Variants in LTBP4 observed in about 807,000 individuals in gnomAD.
LTBP4 encodes the protein latent transforming growth factor beta binding protein 4.
A neutral mutation model predicts 180.2 loss-of-function variants in LTBP4; 93 were observed. That is an observed-to-expected ratio of 0.52 (90% CI 0.44 to 0.61). LTBP4 has a LOEUF of 0.61. Among genes scored for constraint, LTBP4 ranks in the 20% least tolerant of loss-of-function variants. LTBP4 has a pLI of 0.00. For missense variants in LTBP4, 2,116 were observed against 2,256.5 expected (o/e 0.94, Z 1.26); for synonymous variants, 947 against 934.5 (o/e 1.01, Z -0.24).
chr19:40,606,634 T>G, intron 6 of LTBP4, 108 bp downstream of exon 6: 1 of 1,390,422 alleles, frequency 7.2e-7, no homozygotes, highest in Non-Finnish European at 9.7e-7. Flanking sequence ...GACTCCCGGG[T>G]TCCTCTGTCA....
At chr19:40,603,283 C>T (rs528577455) in intron 1 of LTBP4, among the ~76,000 whole-genome samples, 93 of 152,294 alleles carry the variant, frequency 6.1e-4, no homozygotes, top group African/African-American at 2.2e-3. Context: ...CGCAAGAGGA[C>T]TCCAGACATT....
rs530560596 is a variant in LTBP4, at chr19:40,622,980, G to A, written c.3515G>A (p.Arg1172Gln). 137 of 1,612,854 alleles carry A rather than the reference G, an allele frequency of 8.5e-5. No individual in the cohort carries two copies. The South Asian group carries it at 9.1e-4, about 11-fold the overall frequency. Residue 1172 changes from arginine (R) to glutamine (Q), a missense_variant, in exon 24 of 30, where the codon CGG (arginine) becomes CAG (glutamine). Around this residue, in one of 5 missense-constraint regions of LTBP4, gnomAD observed 278 missense variants for 373.0 expected, o/e 0.75. Coordinates refer to ENST00000396819, the MANE Select transcript of LTBP4 (RefSeq NM_001042545.2). This position sits in a 1 kb window ranked among gnomAD's most constrained non-coding sequence, Gnocchi z 5.1. ...TACCAGTCATTGTGCCCTCACGGCC[G>A]GGGCTACCTGGCGCCCAGTGGAGAC... ...AEYQSLCPHGRGYLAPSGDLS... is the reference protein window; with the variant it reads ...AEYQSLCPHGQGYLAPSGDLS...
At position 40,614,050 on chromosome 19, in the gene LTBP4, C is replaced by T; in HGVS notation, c.2680+12C>T. ...CGCCTCCTGCCTCGGTGAGAGGCCCCGCCCCGGCCTGATCCCTCCTCCCTT... is the reference window on the plus strand; with the variant it reads ...CGCCTCCTGCCTCGGTGAGAGGCCCTGCCCCGGCCTGATCCCTCCTCCCTT... On this transcript the variant is annotated intron_variant, in intron 18 of 29. Coordinates refer to ENST00000396819, the MANE Select transcript of LTBP4 (RefSeq NM_001042545.2). The T allele has an allele frequency of 6.2e-7, 1 of 1,611,796 alleles. No homozygotes were observed. Among genetic ancestry groups the T allele is most frequent in the Non-Finnish European group, 8.5e-7 (1 of 1,179,590 alleles).
At position 40,615,196 on chromosome 19, in the gene LTBP4, G is replaced by GGGGC. The variant is rs1555737750; in HGVS notation, c.2812+753_2812+754insCGGG. 8 of 146,524 alleles carry GGGGC rather than the reference G, an allele frequency of 5.5e-5. 1 individual carries two copies. Among genetic ancestry groups the GGGGC allele is most frequent in the African/African-American group, 2.0e-4 (8 of 39,106 alleles). 9.1% of individuals were successfully genotyped at this position (146,524 alleles called of 1,614,324 possible). On this transcript the variant is annotated intron_variant, in intron 19 of 29. Coordinates refer to ENST00000396819, the MANE Select transcript of LTBP4 (RefSeq NM_001042545.2). ...AGTATATATTTTTTTGTGTCGGCGG[G>GGGGC]GGGGGGGGGGCGGTGATGGTGTGTG...
chr19:40,612,792 G>A (rs1329595506), intron 15 of LTBP4, among the ~76,000 whole-genome samples: 1 of 152,106 alleles, frequency 6.6e-6, no homozygotes, highest in Non-Finnish European at 1.5e-5. Context: ...CTGGTCCCTT[G>A]CCCTAGTTGA....
In LTBP4 at chr19:40,609,976, C is replaced by T; in HGVS notation, c.1684+105C>T. ...CCCACGCTTCCCCTCTCGGGTCCCG[C>T]CCCAGGACTGCTCTGCCCTGGCCCT... On this transcript the variant is annotated intron_variant, in intron 11 of 29. Transcript: ENST00000396819. This position sits in a 1 kb window ranked among gnomAD's most constrained non-coding sequence, Gnocchi z 4.9. The T allele has an allele frequency of 1.4e-6, 2 of 1,397,314 alleles. No individual in the cohort carries two copies. Among genetic ancestry groups the T allele is most frequent in the Non-Finnish European group, 9.4e-7 (1 of 1,061,166 alleles). The allele number at this position is 1,397,314 out of a possible 1,614,324, so 86.6% of individuals were successfully genotyped here. A position where few individuals can be genotyped will look rare whatever the true frequency, so the allele number is the denominator to read the frequency against.
In LTBP4 at chr19:40,629,533, G is replaced by A. The variant is rs760208847; in HGVS notation, c.4657G>A (p.Ala1553Thr). 3.2e-6 allele frequency: 5 copies of A among 1,552,356 alleles called. No individual in the cohort carries two copies. The South Asian group carries it at 5.9e-5, about 18-fold the overall frequency. ...PTHQPHHCAP[A>T]RPRA Reference sequence around the variant, plus strand: ...GCACCAGCCGCACCACTGTGCGCCCGCACGGCCCCGGGCCTGAGCCCTGGC... The same window carrying A: ...GCACCAGCCGCACCACTGTGCGCCCACACGGCCCCGGGCCTGAGCCCTGGC... The change falls in exon 30 of 30, where the codon GCA becomes ACA. Residue 1553 changes from alanine to threonine, a missense_variant. By Grantham distance (58) the Ala-to-Thr change is moderately conservative. Around this residue, in one of 5 missense-constraint regions of LTBP4, gnomAD observed 488 missense variants for 458.8 expected, o/e 1.06. Transcript: ENST00000396819. This position sits in a 1 kb window ranked among gnomAD's most constrained non-coding sequence, Gnocchi z 4.5.
Position 40,611,196 on chromosome 19 carries a change from G to A in LTBP4, c.1855G>A (p.Ala619Thr), listed in dbSNP as rs1295961928. Residue 619 changes from alanine (A) to threonine (T), a missense_variant, in exon 13 of 30, where the codon GCC (alanine) becomes ACC (threonine). Physicochemically the swap from Ala to Thr is moderately conservative, Grantham distance 58 (BLOSUM62 0). Around this residue, in one of 5 missense-constraint regions of LTBP4, gnomAD observed 877 missense variants for 873.6 expected, o/e 1.00. Transcript: ENST00000396819. This position sits in a 1 kb window ranked among gnomAD's most constrained non-coding sequence, Gnocchi z 4.4. ...TQSPGLCGRG[A>T]CKNLPGSFRC... is the part of the protein sequence containing the mutation. ...GAGCCCAGGCCTGTGTGGCCGAGGG[G>A]CCTGCAAGAACCTGCCTGGCTCTTT... 9 of 1,613,738 alleles carry A rather than the reference G, an allele frequency of 5.6e-6. No homozygotes were observed. The highest frequency in any genetic ancestry group is 1.3e-5 in the African/African-American group (1 of 74,954).
chr19:40,628,806 A>C (rs1331742084), intron 29 of LTBP4, among the ~76,000 whole-genome samples: 1 of 152,130 alleles, frequency 6.6e-6, no homozygotes, highest in Non-Finnish European at 1.5e-5. Context: ...ACAATGCATG[A>C]ACATTTATTG....
In LTBP4 at chr19:40,619,422, G is replaced by A; in HGVS notation, c.3146G>A (p.Cys1049Tyr). The A allele has an allele frequency of 6.2e-7, 1 of 1,613,906 alleles. No individual in the cohort carries two copies. ...GAAAATGTCGAAGGCTCCTTCCTCT[G>A]TGTCTGCCCCAACAGCCCGGAAGAG... Reference protein sequence around the residue: ...LCENVEGSFLCVCPNSPEEFD... With the variant: ...LCENVEGSFLYVCPNSPEEFD... Residue 1049 changes from cysteine (C) to tyrosine (Y), a missense_variant, in exon 22 of 30, where the codon TGT (cysteine) becomes TAT (tyrosine). Physicochemically the swap from Cys to Tyr is radical, Grantham distance 194. Coordinates refer to ENST00000396819, the MANE Select transcript of LTBP4 (RefSeq NM_001042545.2).
In LTBP4 at chr19:40,622,384, GCTCCTTGT is replaced by G. The variant is rs1426858572; in HGVS notation, c.3218-12_3218-5del. 6.7e-7 allele frequency: 1 copy of G among 1,488,818 alleles called. No homozygotes were observed. Among genetic ancestry groups the G allele is most frequent in the Non-Finnish European group, 9.0e-7 (1 of 1,109,656 alleles). The allele number at this position is 1,488,818 out of a possible 1,614,324, so 92.2% of individuals were successfully genotyped here. On this transcript the variant is annotated splice_polypyrimidine_tract_variant and intron_variant, in intron 22 of 29. Transcript: ENST00000396819. The surrounding 1 kb of genome is among the most constrained non-coding windows in gnomAD (Gnocchi z 5.1). The stretch of plus-strand genomic sequence containing the variant: ...GGGATTCAGCCCACACTGGGCTAAA[GCTCCTTGT>G]CTCCCCAGGCACGTTCCCAGGCTCG...
At position 40,610,428 on chromosome 19, in the gene LTBP4, G is replaced by A. The variant is rs897020261; in HGVS notation, c.1685-104G>A. On this transcript the variant is annotated intron_variant, in intron 11 of 29. Coordinates refer to ENST00000396819, the MANE Select transcript of LTBP4 (RefSeq NM_001042545.2). ...TGGCCGGGTCCCCATCCTGGCTCTGGCCCAAGCTTGGTCCCGCTCCCGCTT... is the reference window on the plus strand; with the variant it reads ...TGGCCGGGTCCCCATCCTGGCTCTGACCCAAGCTTGGTCCCGCTCCCGCTT... 1.2e-5 allele frequency: 16 copies of A among 1,387,798 alleles called. No individual in the cohort carries two copies. In the Admixed American group the frequency reaches 3.0e-4, roughly 26 times the overall value. The allele number at this position is 1,387,798 out of a possible 1,614,324, so 86.0% of individuals were successfully genotyped here.
At chr19:40,615,035 C>T (rs1243094645) in intron 19 of LTBP4, among the ~76,000 whole-genome samples, 1 of 152,138 alleles carries the variant, frequency 6.6e-6, no homozygotes, top group East Asian at 1.9e-4. Flanking sequence ...TTAGGCCCTC[C>T]CTTCCTATCT....
At chr19:40,620,248 G>A (rs1256038128) in intron 22 of LTBP4, among the ~76,000 whole-genome samples, 1 of 148,192 alleles carries the variant, frequency 6.7e-6, no homozygotes, top group Non-Finnish European at 1.5e-5. Flanking sequence ...TTTTTTAAAT[G>A]TTTTTTTTTT....
At chr19:40,612,965 A>T (rs990840960) in intron 15 of LTBP4, 100 bp from the exon 16 acceptor site, 8 of 1,263,658 alleles carry the variant, frequency 6.3e-6, no homozygotes, top group Admixed American at 2.1e-5. Context: ...CCTCCAACTC[A>T]TGAGACTTCC....
rs1222067770 is a variant in LTBP4, at chr19:40,629,447, C to G, written c.4571C>G (p.Ala1524Gly). 1.9e-6 allele frequency: 3 copies of G among 1,612,586 alleles called. No individual in the cohort carries two copies. The highest frequency in any genetic ancestry group is 2.2e-5 in the East Asian group (1 of 44,846). The change falls in exon 30 of 30, where the codon GCG (alanine) becomes GGG (glycine). Residue 1524 changes from alanine (A) to glycine (G), a missense_variant. By Grantham distance (60) the Ala-to-Gly change is moderately conservative. Around this residue, in one of 5 missense-constraint regions of LTBP4, gnomAD observed 488 missense variants for 458.8 expected, o/e 1.06. Coordinates refer to ENST00000396819, the MANE Select transcript of LTBP4 (RefSeq NM_001042545.2). This position sits in a 1 kb window ranked among gnomAD's most constrained non-coding sequence, Gnocchi z 4.5. ...AEAASPLCVN[A>G]RCLNTDGSFR... The stretch of plus-strand genomic sequence containing the variant: ...GCTGCCTCCCCGCTGTGCGTCAACG[C>G]GCGTTGCCTCAACACGGATGGCTCC...
Position 40,610,059 on chromosome 19 carries a change from C to A in LTBP4, c.1684+188C>A. ...AGCTCCAGCCTCCCTTTGACCCCAC[C>A]CCTACCCAGCTCCCAAACTGCCAGT... On this transcript the variant is annotated intron_variant, in intron 11 of 29. Coordinates refer to ENST00000396819, the MANE Select transcript of LTBP4 (RefSeq NM_001042545.2). 1.1e-5 allele frequency: 8 copies of A among 752,622 alleles called. No individual in the cohort carries two copies. The South Asian group carries it at 1.8e-4, about 17-fold the overall frequency. The allele number at this position is 752,622 out of a possible 1,614,324, so 46.6% of individuals were successfully genotyped here.
intron 11 of LTBP4, chr19:40,610,273 G>A: frequency 1.9e-6 from 1 of 530,836 alleles, no homozygotes; most frequent in Non-Finnish European, 3.3e-6. Context: ...TCCCCAAACT[G>A]CTCCTTTCTT....
chr19:40,624,002 C>T lies in LTBP4; in HGVS notation c.3752C>T (p.Ser1251Phe). 6 of 1,613,144 alleles carry T rather than the reference C, an allele frequency of 3.7e-6. No individual in the cohort carries two copies. Among genetic ancestry groups the T allele is most frequent in the Non-Finnish European group, 5.1e-6 (6 of 1,179,544 alleles). ...EGGRCVNTVG[S>F]YHCTCEPPLV... ...GGCCGCTGTGTCAACACTGTGGGCT[C>T]TTATCACTGTACCTGCGAGCCCCCA... The change falls in exon 26 of 30, where the codon TCT (serine) becomes TTT (phenylalanine). Residue 1251 changes from serine (S) to phenylalanine (F), a missense_variant. This residue lies in a region of LTBP4 where 488 missense variants were observed against 458.8 expected (regional missense o/e 1.06). Coordinates refer to ENST00000396819, the MANE Select transcript of LTBP4 (RefSeq NM_001042545.2).
Sources: allele counts gnomAD v4.1 joint callset (sites outside exome capture counted in the v4.1 genomes callset), GRCh38; gene constraint gnomAD v4.1.1; regional missense constraint gnomAD v4.1.1; non-coding constraint Gnocchi (gnomAD v3.1); transcripts MANE v1.5; gene names NCBI Gene and HGNC (gene_info 2026-07-23, HGNC 2026-07-21).